DMRTA1: variants seen among roughly 807,000 people sequenced by gnomAD.
DMRTA1 encodes DMRT like family A1.
In DMRTA1, 34 loss-of-function variants were observed where a neutral mutation model predicts 35.2. The ratio of observed to expected loss-of-function variants is 0.97; its 90% CI spans 0.74 to 1.29. DMRTA1 has a LOEUF of 1.29. Among genes scored for constraint, DMRTA1 ranks in the 50% most tolerant of loss-of-function variants. The probability of loss-of-function intolerance (pLI) is 0.00; values close to 1 mark genes in which losing one functional copy is unlikely to be tolerated. For missense variants in DMRTA1, 824 were observed against 644.6 expected, an observed-to-expected ratio of 1.28 and a Z score of -3.01; for synonymous variants, 344 against 276.6, an observed-to-expected ratio of 1.24 and a Z score of -2.42.
chr9:22,451,234 C>G lies in DMRTA1; in HGVS notation c.838C>G (p.Pro280Ala). Reference protein sequence around the residue: ...YSNKPDSILSPHPGEQSGGEE... With the variant: ...YSNKPDSILSAHPGEQSGGEE... ...CAACAAGCCTGATAGTATCCTGTCT[C>G]CTCATCCTGGAGAGCAATCAGGAGG... is the stretch of plus-strand genomic sequence containing the variant. Residue 280 changes from proline (P) to alanine (A), a missense_variant, in exon 2 of 2, where the codon CCT becomes GCT. Physicochemically the swap from Pro to Ala is conservative, Grantham distance 27. Coordinates refer to ENST00000325870, the MANE Select transcript of DMRTA1 (RefSeq NM_022160.3). 2 of 1,614,078 alleles carry G rather than the reference C, an allele frequency of 1.2e-6. No homozygotes were observed. The highest frequency in any genetic ancestry group is 2.2e-5 in the East Asian group (1 of 44,874).
In DMRTA1 at chr9:22,452,601, G is replaced by A. The variant is rs996806522; in HGVS notation, c.*690G>A. The A allele has an allele frequency of 6.6e-6, 1 of 152,152 alleles. No individual in the cohort carries two copies. Among genetic ancestry groups the A allele is most frequent in the Non-Finnish European group, 1.5e-5 (1 of 68,022 alleles). 9.4% of individuals were successfully genotyped at this position (152,152 alleles called of 1,614,324 possible). On this transcript the variant is annotated 3_prime_UTR_variant, in exon 2 of 2. Transcript: ENST00000325870. ...GAAGTAAATTTTAGGAAATAAGACT[G>A]CGCCATCTCCTGGCCACTATCGCCA...
Position 22,447,505 on chromosome 9 carries a change from C to A in DMRTA1, c.440C>A (p.Ala147Glu), listed in dbSNP as rs531593966. The A allele has an allele frequency of 3.2e-6, 5 of 1,567,088 alleles. No homozygotes were observed. Among genetic ancestry groups the A allele is most frequent in the African/African-American group, 1.4e-5 (1 of 73,468 alleles). The part of the protein sequence containing the change: ...AAQVALRRQQ[A>E]QEESEARGLQ... ...CAGGTGGCGCTGCGCAGGCAGCAGG[C>A]GCAGGAGGAGAGCGAAGCCCGGGGG... The change falls in exon 1 of 2, where the codon GCG becomes GAG. Residue 147 changes from alanine (A) to glutamate (E), a missense_variant. Ala to Glu is a moderately radical substitution (Grantham distance 107). Coordinates refer to ENST00000325870, the MANE Select transcript of DMRTA1 (RefSeq NM_022160.3).
rs1818927323 is a variant in DMRTA1, at chr9:22,451,481, A to C, written c.1085A>C (p.Gln362Pro). The C allele has an allele frequency of 4.3e-6, 7 of 1,614,072 alleles. No individual in the cohort carries two copies. Among genetic ancestry groups the C allele is most frequent in the Non-Finnish European group, 5.9e-6 (7 of 1,179,992 alleles). ...GGGGATGTGGTCCAAGCCATTGAAC[A>C]GGTTTTAAATGGCAAAGAACACAAG... ...CKGDVVQAIE[Q>P]VLNGKEHKPD... Residue 362 changes from glutamine to proline, a missense_variant, in exon 2 of 2, where the codon CAG becomes CCG. Physicochemically the swap from Gln to Pro is moderately conservative, Grantham distance 76 (BLOSUM62 -1). Transcript: ENST00000325870.
intron 1 of DMRTA1, among the ~76,000 whole-genome samples, chr9:22,449,562 T>C (rs776386044): frequency 1.8e-4 from 28 of 152,162 alleles, no homozygotes; most frequent in Non-Finnish European, 3.8e-4. Context: ...GAAATGTTGA[T>C]AATTGACATG....
In DMRTA1 at chr9:22,447,470, C is replaced by T. The variant is rs2117949165; in HGVS notation, c.405C>T (p.Val135=). Residue 135 remains valine, a synonymous_variant, in exon 1 of 2, where the codon GTC becomes GTT. Transcript: ENST00000325870. Reference sequence around the variant, plus strand: ...CCCTGATCGCCGAGCGCCAGCGCGTCATGGCCGCCCAGGTGGCGCTGCGCA... The same window carrying T: ...CCCTGATCGCCGAGCGCCAGCGCGTTATGGCCGCCCAGGTGGCGCTGCGCA... ...KCTLIAERQR[V]MAAQVALRRQ... 6.4e-7 allele frequency: 1 copy of T among 1,555,414 alleles called. No homozygotes were observed. The highest frequency in any genetic ancestry group is 2.4e-5 in the East Asian group (1 of 41,160).
In DMRTA1 at chr9:22,451,729, G is replaced by T. The variant is rs2117962840; in HGVS notation, c.1333G>T (p.Gly445Ter). 6.2e-7 allele frequency: 1 copy of T among 1,614,106 alleles called. No homozygotes were observed. Among genetic ancestry groups the T allele is most frequent in the East Asian group, 2.2e-5 (1 of 44,890 alleles). The part of the protein sequence containing the change: ...SPLRLAYSSA[G>*]RGLSGFMSPY... ...ATTAAGGCTGGCATATTCTTCTGCA[G>T]GAAGAGGGTTATCTGGTTTTATGTC... Residue 445 changes from glycine (G) to a stop codon, truncating the protein, a stop_gained, in exon 2 of 2, where the codon GGA (glycine) becomes TGA (stop). Transcript: ENST00000325870. LOFTEE classifies it high-confidence loss of function.
chr9:22,446,972 G>C lies in DMRTA1; in HGVS notation c.-94G>C. The C allele has an allele frequency of 6.7e-7, 1 of 1,483,148 alleles. No homozygotes were observed. The highest frequency in any genetic ancestry group is 1.3e-5 in the South Asian group (1 of 79,356). 91.9% of individuals were successfully genotyped at this position (1,483,148 alleles called of 1,614,324 possible). ...GCGGGTGGAGCTCAGTAGGACCACG[G>C]CGCGTCCTGCCCCGGCTTCCCCAGC... On this transcript the variant is annotated 5_prime_UTR_variant, in exon 1 of 2. Transcript: ENST00000325870.
In DMRTA1 at chr9:22,452,341, T is replaced by G. The variant is rs1229474155; in HGVS notation, c.*430T>G. 1 of 153,612 alleles carries G rather than the reference T, an allele frequency of 6.5e-6. No homozygotes were observed. Among genetic ancestry groups the G allele is most frequent in the Non-Finnish European group, 1.4e-5 (1 of 68,982 alleles). 9.5% of individuals were successfully genotyped at this position (153,612 alleles called of 1,614,324 possible). On this transcript the variant is annotated 3_prime_UTR_variant, in exon 2 of 2. Coordinates refer to ENST00000325870, the MANE Select transcript of DMRTA1 (RefSeq NM_022160.3). Reference sequence around the variant, plus strand: ...AAGAACTGAACAATTAAGGCAATTCTAAATAATTACCATTTCAAAACTGTT... The same window carrying G: ...AAGAACTGAACAATTAAGGCAATTCGAAATAATTACCATTTCAAAACTGTT...
Position 22,455,213 on chromosome 9 carries a change from C to T in DMRTA1, c.*3302C>T, listed in dbSNP as rs921478011. The T allele has an allele frequency of 6.6e-6, 1 of 152,132 alleles. No homozygotes were observed. The highest frequency in any genetic ancestry group is 1.5e-5 in the Non-Finnish European group (1 of 68,018). 9.4% of individuals were successfully genotyped at this position (152,132 alleles called of 1,614,324 possible). On this transcript the variant is annotated 3_prime_UTR_variant, in exon 2 of 2. Coordinates refer to ENST00000325870, the MANE Select transcript of DMRTA1 (RefSeq NM_022160.3). ...GGGGCTTAAAGAGGATATGGGAGAACACTGAAGACAAATATTAGTACAATT... is the reference window on the plus strand; with the variant it reads ...GGGGCTTAAAGAGGATATGGGAGAATACTGAAGACAAATATTAGTACAATT...
At position 22,453,528 on chromosome 9, in the gene DMRTA1, G is replaced by C. The variant is rs912512507; in HGVS notation, c.*1617G>C. ...AAGAAAGCAGATCTTGAAAAATTTCGATGTACTCAATATTCATTTATTATA... is the reference window on the plus strand; with the variant it reads ...AAGAAAGCAGATCTTGAAAAATTTCCATGTACTCAATATTCATTTATTATA... On this transcript the variant is annotated 3_prime_UTR_variant, in exon 2 of 2. Coordinates refer to ENST00000325870, the MANE Select transcript of DMRTA1 (RefSeq NM_022160.3). 2 of 151,884 alleles carry C rather than the reference G, an allele frequency of 1.3e-5. No individual in the cohort carries two copies. The highest frequency in any genetic ancestry group is 2.4e-5 in the African/African-American group (1 of 41,402). The allele number at this position is 151,884 out of a possible 1,614,324, so 9.4% of individuals were successfully genotyped here.
rs1818987299 is a variant in DMRTA1 at position 22,455,225 on chromosome 9, ATAT to A, written c.*3317_*3319del. 1 of 152,180 alleles carries A rather than the reference ATAT, an allele frequency of 6.6e-6. No individual in the cohort carries two copies. The highest frequency in any genetic ancestry group is 1.5e-5 in the Non-Finnish European group (1 of 68,022). 9.4% of individuals were successfully genotyped at this position (152,180 alleles called of 1,614,324 possible). ...GGATATGGGAGAACACTGAAGACAA[ATAT>A]TAGTACAATTCCTATAAGGTAAATA... On this transcript the variant is annotated 3_prime_UTR_variant, in exon 2 of 2. Coordinates refer to ENST00000325870, the MANE Select transcript of DMRTA1 (RefSeq NM_022160.3).
At position 22,455,330 on chromosome 9, in the gene DMRTA1, C is replaced by G. The variant is rs1010864420; in HGVS notation, c.*3419C>G. Reference sequence around the variant, plus strand: ...AATGGATTTATCTATATGACTTGGACAGGTTACTTATACTCTTTGGACATT... The same window carrying G: ...AATGGATTTATCTATATGACTTGGAGAGGTTACTTATACTCTTTGGACATT... On this transcript the variant is annotated 3_prime_UTR_variant, in exon 2 of 2. Transcript: ENST00000325870. 6.6e-6 allele frequency: 1 copy of G among 152,106 alleles called. No homozygotes were observed. The highest frequency in any genetic ancestry group is 1.5e-5 in the Non-Finnish European group (1 of 68,020). 9.4% of individuals were successfully genotyped at this position (152,106 alleles called of 1,614,324 possible). A position where few individuals can be genotyped will look rare whatever the true frequency, so the allele number is the denominator to read the frequency against.
rs781525103 is a variant in DMRTA1 at position 22,451,745 on chromosome 9, G to GT, written c.1353dup (p.Met452TyrfsTer28). On this transcript the variant is annotated frameshift_variant, in exon 2 of 2. Coordinates refer to ENST00000325870, the MANE Select transcript of DMRTA1 (RefSeq NM_022160.3). LOFTEE classifies it high-confidence loss of function. Reference sequence around the variant, plus strand: ...TCTTCTGCAGGAAGAGGGTTATCTGGTTTTATGTCACCCTACCTAACACCT... The same window carrying GT: ...TCTTCTGCAGGAAGAGGGTTATCTGGTTTTTATGTCACCCTACCTAACACCT... 1 of 1,614,024 alleles carries GT rather than the reference G, an allele frequency of 6.2e-7. No individual in the cohort carries two copies.
In DMRTA1 at chr9:22,446,923, A is replaced by G; in HGVS notation, c.-143A>G. The stretch of plus-strand genomic sequence containing the variant: ...TCGTCCCAACTCCTTCCGAGTGGAA[A>G]GAGTGTAAAACTTTTGTCCGTGCGC... On this transcript the variant is annotated 5_prime_UTR_variant, in exon 1 of 2. Transcript: ENST00000325870. 1 of 1,020,430 alleles carries G rather than the reference A, an allele frequency of 9.8e-7. No homozygotes were observed. Among genetic ancestry groups the G allele is most frequent in the Non-Finnish European group, 1.4e-6 (1 of 714,134 alleles). 63.2% of individuals were successfully genotyped at this position (1,020,430 alleles called of 1,614,324 possible).
At position 22,454,684 on chromosome 9, in the gene DMRTA1, G is replaced by A. The variant is rs1353057837; in HGVS notation, c.*2773G>A. Reference sequence around the variant, plus strand: ...AAGAAAGAGGGGGTAAATGCTTTAAGAGCTAGCATATAACAAAAATGAATT... The same window carrying A: ...AAGAAAGAGGGGGTAAATGCTTTAAAAGCTAGCATATAACAAAAATGAATT... On this transcript the variant is annotated 3_prime_UTR_variant, in exon 2 of 2. Transcript: ENST00000325870. 6.6e-6 allele frequency: 1 copy of A among 152,134 alleles called. No homozygotes were observed. The highest frequency in any genetic ancestry group is 1.5e-5 in the Non-Finnish European group (1 of 68,018). The allele number at this position is 152,134 out of a possible 1,614,324, so 9.4% of individuals were successfully genotyped here.
At position 22,451,906 on chromosome 9, in the gene DMRTA1, C is replaced by T. The variant is rs771730054; in HGVS notation, c.1510C>T (p.Pro504Ser). 1.2e-6 allele frequency: 2 copies of T among 1,613,778 alleles called. No individual in the cohort carries two copies. The highest frequency in any genetic ancestry group is 8.5e-7 in the Non-Finnish European group (1 of 1,179,810). The change falls in exon 2 of 2, where the codon CCG becomes TCG. Residue 504 changes from proline (P) to serine (S), a missense_variant. Physicochemically the swap from Pro to Ser is moderately conservative, Grantham distance 74 (BLOSUM62 -1). Transcript: ENST00000325870. ...RLYFRPNQDNP is the reference protein window; with the variant it reads ...RLYFRPNQDNS ...GTACTTCAGACCAAATCAGGACAATCCGTAATGTATATGCCCATTCTCTCT... is the reference window on the plus strand; with the variant it reads ...GTACTTCAGACCAAATCAGGACAATTCGTAATGTATATGCCCATTCTCTCT...
In DMRTA1 at chr9:22,451,327, G is replaced by A; in HGVS notation, c.931G>A (p.Asp311Asn). ...ESGNESEWVK[D>N]LTATKASLPT... The stretch of plus-strand genomic sequence containing the variant: ...AGGAAATGAAAGTGAATGGGTCAAA[G>A]ACTTGACTGCGACCAAGGCAAGCCT... Residue 311 changes from aspartate to asparagine, a missense_variant, in exon 2 of 2, where the codon GAC becomes AAC. By Grantham distance (23) the Asp-to-Asn change is conservative. Transcript: ENST00000325870. 1 of 1,614,098 alleles carries A rather than the reference G, an allele frequency of 6.2e-7. No individual in the cohort carries two copies. The highest frequency in any genetic ancestry group is 8.5e-7 in the Non-Finnish European group (1 of 1,179,978).
At chr9:22,447,767 A>G (rs1384655571) in intron 1 of DMRTA1, 35 bp downstream of exon 1, 2 of 1,610,684 alleles carry the variant, frequency 1.2e-6, no homozygotes, top group Non-Finnish European at 1.7e-6. Context: ...TTGCTCAAGG[A>G]ATGGTTGTTC....
chr9:22,448,597 T>C (rs543220022), intron 1 of DMRTA1, among the ~76,000 whole-genome samples: 1 of 139,194 alleles, frequency 7.2e-6, no homozygotes, highest in Non-Finnish European at 1.6e-5. Context: ...AAAATATCAT[T>C]GTGATTTTTT....
Sources: gnomAD v4.1 joint callset for allele counts (sites outside exome capture counted in the v4.1 genomes callset) on GRCh38, gnomAD v4.1.1 for gene constraint, MANE v1.5 for transcripts, NCBI Gene and HGNC (gene_info 2026-07-23, HGNC 2026-07-21) for gene names.